TEX15: variants seen among roughly 807,000 people sequenced by gnomAD.
The protein encoded by TEX15 is testis expressed 15, meiosis and synapsis associated, also known as testis-expressed protein 15.
A neutral mutation model predicts 237.3 loss-of-function variants in TEX15; 171 were observed. That is an observed-to-expected ratio of 0.72 (90% CI 0.64 to 0.82). The LOEUF (loss-of-function observed/expected upper bound fraction) is 0.82, where lower values mean the gene tolerates loss of function less well. Ranked by LOEUF, TEX15 falls within the 40% of genes least tolerant of loss-of-function variation. TEX15 has a pLI of 0.00. For synonymous variants in TEX15, 1,338 were observed against 1,269.8 expected, an observed-to-expected ratio of 1.05 and a Z score of -1.14; for missense variants, 3,750 against 3,646.5, an observed-to-expected ratio of 1.03 and a Z score of -0.73.
chr8:30,837,331 T>C lies in TEX15; in HGVS notation c.8953A>G (p.Thr2985Ala), dbSNP rs142384154. 3 of 1,614,054 alleles carry C rather than the reference T, an allele frequency of 1.9e-6. No homozygotes were observed. Among genetic ancestry groups the C allele is most frequent in the Admixed American group, 1.7e-5 (1 of 59,996 alleles). The change falls in exon 10 of 11, where the codon ACC becomes GCC. Residue 2985 changes from threonine (T) to alanine (A), a missense_variant. Transcript: ENST00000643185. ...VHTFGASGHI[T>A]LNVNQGAEYS... ...TCTGCTCCTTGATTCACATTAAGGG[T>C]TATATGCCCAGATGCTCCAAAAGTA...
At position 30,842,890 on chromosome 8, in the gene TEX15, A is replaced by C. The variant is rs761875656; in HGVS notation, c.7277T>G (p.Val2426Gly). 1 of 1,609,796 alleles carries C rather than the reference A, an allele frequency of 6.2e-7. No homozygotes were observed. Among genetic ancestry groups the C allele is most frequent in the South Asian group, 1.1e-5 (1 of 90,608 alleles). ...IFITEENVLD[V>G]VINHSHEAII... ...AGCCTCATGGCTGTGGTTTATCACC[A>C]CGTCTAAAACATTTTCTTCTGTGAT... Residue 2426 changes from valine to glycine, a missense_variant, in exon 8 of 11, where the codon GTG becomes GGG. Transcript: ENST00000643185.
chr8:30,887,138 A>T, intron 3 of TEX15, 29 bp downstream of exon 3: 1 of 1,509,144 alleles, frequency 6.6e-7, no homozygotes, highest in Non-Finnish European at 8.8e-7. Context: ...AATAGTTACT[A>T]AAAAAATTCC....
chr8:30,909,399 C>CCCG (rs1419922038), intron 1 of TEX15, among the ~76,000 whole-genome samples: 1 of 142,112 alleles, frequency 7.0e-6, no homozygotes, highest in African/African-American at 2.7e-5. Context: ...GACAGACCCC[C>CCCG]CCCCGCCCCC....
intron 3 of TEX15, among the ~76,000 whole-genome samples, chr8:30,878,631 C>T (rs1457605293): frequency 1.3e-5 from 2 of 152,170 alleles, no homozygotes. Flanking sequence ...AGGTGATCCA[C>T]CTGCCTCAGC....
At position 30,845,680 on chromosome 8, in the gene TEX15, A is replaced by G. The variant is rs148299747; in HGVS notation, c.4487T>C (p.Val1496Ala). 5 of 1,613,444 alleles carry G rather than the reference A, an allele frequency of 3.1e-6. No homozygotes were observed. The highest frequency in any genetic ancestry group is 4.2e-6 in the Non-Finnish European group (5 of 1,179,598). Reference protein sequence around the residue: ...CLSRKSMASSVSKSHPTTSHM... With the variant: ...CLSRKSMASSASKSHPTTSHM... ...ACTGGTGGTGGGGTGACTTTTTGAG[A>G]CACTGCTAGCCATACTTTTCCTAGA... is the stretch of plus-strand genomic sequence containing the variant. The change falls in exon 8 of 11, where the codon GTC becomes GCC. Residue 1496 changes from valine (V) to alanine (A), a missense_variant. Val to Ala is a moderately conservative substitution (Grantham distance 64, BLOSUM62 0). Transcript: ENST00000643185.
intron 1 of TEX15, among the ~76,000 whole-genome samples, chr8:30,911,706 A>T (rs985946021): frequency 6.6e-6 from 1 of 152,122 alleles, no homozygotes; most frequent in Non-Finnish European, 1.5e-5. Flanking sequence ...CAGCGACCTC[A>T]GCCTCTCCAC....
Position 30,843,504 on chromosome 8 carries a change from T to A in TEX15, c.6663A>T (p.Val2221=). The change falls in exon 8 of 11, where the codon GTA becomes GTT. Residue 2221 remains valine, a synonymous_variant. Transcript: ENST00000643185. ...AATGAACTTTAGGAGAGTCCCCACA[T>A]ACATTGATCAACTTTAAAGTACTTT... The part of the protein sequence containing the change: ...LRKSTLKLIN[V]CGDSPKVHSY... The A allele has an allele frequency of 6.2e-7, 1 of 1,613,104 alleles. No homozygotes were observed.
chr8:30,845,559 G>A lies in TEX15; in HGVS notation c.4608C>T (p.Ser1536=). 1 of 1,613,648 alleles carries A rather than the reference G, an allele frequency of 6.2e-7. No homozygotes were observed. Among genetic ancestry groups the A allele is most frequent in the Non-Finnish European group, 8.5e-7 (1 of 1,179,642 alleles). The change falls in exon 8 of 11, where the codon AGC becomes AGT. Residue 1536 remains serine (S), a synonymous_variant. Coordinates refer to ENST00000643185, the MANE Select transcript of TEX15 (RefSeq NM_001350162.2). ...QSTSQSVYYN[S]SVSNPSLSEE... ...CTGATAAACTTGGATTGCTTACACT[G>A]CTATTATAATAAACTGACTGACTTG...
intron 1 of TEX15, among the ~76,000 whole-genome samples, chr8:30,910,615 T>C (rs1178322008): frequency 6.8e-6 from 1 of 147,862 alleles, no homozygotes; most frequent in Admixed American, 6.7e-5. Context: ...CTGGCCTTTT[T>C]TTTTTTTTTT....
rs1029021630 is a variant in TEX15, at chr8:30,869,488, T to C, written c.303-1986A>G. 5.3e-5 allele frequency among the ~76,000 whole-genome samples: 8 copies of C among 152,168 alleles called. No homozygotes were observed. The East Asian group carries it at 7.7e-4, about 15-fold the overall frequency. On this transcript the variant is annotated intron_variant, in intron 4 of 10. Transcript: ENST00000643185. ...TGAAGTTTATACACAATAAGCTTGC[T>C]GACATCACAGCCTGAATTTCCACCG...
rs1008438659 is a variant in TEX15, at chr8:30,888,141, C to T, written c.-9-830G>A. 3.8e-4 allele frequency among the ~76,000 whole-genome samples: 58 copies of T among 151,586 alleles called. 1 individual carries two copies. Among genetic ancestry groups the T allele is most frequent in the African/African-American group, 1.3e-3 (54 of 41,354 alleles). On this transcript the variant is annotated intron_variant, in intron 2 of 10. Transcript: ENST00000643185. Reference sequence around the variant, plus strand: ...TGTTGCCCAGGCTGGTTTTGAACACCTGGGCTCAAGTGATCCTCCTGCCTC... The same window carrying T: ...TGTTGCCCAGGCTGGTTTTGAACACTTGGGCTCAAGTGATCCTCCTGCCTC...
At chr8:30,893,984 A>G (rs1288556515) in intron 2 of TEX15, among the ~76,000 whole-genome samples, 1 of 152,108 alleles carries the variant, frequency 6.6e-6, no homozygotes, top group South Asian at 2.1e-4. Flanking sequence ...TCTAAAAATC[A>G]TATCATGTTT....
Position 30,842,161 on chromosome 8 carries a change from T to C in TEX15, c.8006A>G (p.Asn2669Ser), listed in dbSNP as rs1226320865. The change falls in exon 8 of 11, where the codon AAT (asparagine) becomes AGT (serine). Residue 2669 changes from asparagine (N) to serine (S), a missense_variant. Transcript: ENST00000643185. ...IHIVKPGENN[N>S]KFSISTMLPP... Reference sequence around the variant, plus strand: ...CAACATCGTAGAAATACTAAATTTATTGTTATTTTCCCCAGGTTTTACAAT... The same window carrying C: ...CAACATCGTAGAAATACTAAATTTACTGTTATTTTCCCCAGGTTTTACAAT... 13 of 1,612,626 alleles carry C rather than the reference T, an allele frequency of 8.1e-6. No homozygotes were observed. Among genetic ancestry groups the C allele is most frequent in the East Asian group, 4.5e-5 (2 of 44,824 alleles).
rs755905258 is a variant in TEX15, at chr8:30,842,726, G to C, written c.7441C>G (p.Leu2481Val). ...TGGCACTGAACCAGCTCAGGAAGAA[G>C]TGACAAATCAAACCAAAGCATACCT... ...FRGMLWFDLS[L>V]LPELVQCQEK... The change falls in exon 8 of 11, where the codon CTT becomes GTT. Residue 2481 changes from leucine to valine, a missense_variant. Coordinates refer to ENST00000643185, the MANE Select transcript of TEX15 (RefSeq NM_001350162.2). The C allele has an allele frequency of 6.2e-7, 1 of 1,613,476 alleles. No homozygotes were observed. Among genetic ancestry groups the C allele is most frequent in the Non-Finnish European group, 8.5e-7 (1 of 1,179,804 alleles).
chr8:30,851,154 T>A lies in TEX15; in HGVS notation c.851-1838A>T, dbSNP rs185851255. Among the ~76,000 whole-genome samples the A allele has an allele frequency of 4.7e-3, 722 of 152,318 alleles. 7 individuals are homozygous for A. Among genetic ancestry groups the A allele is most frequent in the African/African-American group, 0.016 (680 of 41,572 alleles). ...GATAAACTTGTATAAATACCCAAAG[T>A]TCTATGGACAAGGATCTTCAGTAAA... On this transcript the variant is annotated intron_variant, in intron 7 of 10. Transcript: ENST00000643185.
At chr8:30,896,925 G>C (rs1458978376) in intron 2 of TEX15, among the ~76,000 whole-genome samples, 1 of 152,156 alleles carries the variant, frequency 6.6e-6, no homozygotes, top group Non-Finnish European at 1.5e-5. Flanking sequence ...GAACTGATCA[G>C]AGTGACCATT....
At chr8:30,872,305 T>C (rs1325004646) in intron 4 of TEX15, among the ~76,000 whole-genome samples, 1 of 152,140 alleles carries the variant, frequency 6.6e-6, no homozygotes, top group Admixed American at 6.6e-5. Context: ...AAAATTCCTA[T>C]TGCCTAGTGA....
At chr8:30,907,756 A>G (rs1343278591) in intron 1 of TEX15, among the ~76,000 whole-genome samples, 1 of 139,040 alleles carries the variant, frequency 7.2e-6, no homozygotes, top group African/African-American at 2.6e-5. Context: ...TTTATATCTA[A>G]TTTATATATA....
At chr8:30,889,937 A>ATATATATATACG (rs1808752584) in intron 2 of TEX15, among the ~76,000 whole-genome samples, 1 of 124,320 alleles carries the variant, frequency 8.0e-6, no homozygotes, top group African/African-American at 3.8e-5. Flanking sequence ...TTATATACAT[A>ATATATATATACG]TATATATATA....
Sources: gnomAD v4.1 joint callset for allele counts (sites outside exome capture counted in the v4.1 genomes callset) on GRCh38, gnomAD v4.1.1 for gene constraint, MANE v1.5 for transcripts, NCBI Gene and HGNC (gene_info 2026-07-23, HGNC 2026-07-21) for gene names.